Variants in ZIC3 observed in about 807,000 individuals in gnomAD.
The protein encoded by ZIC3 is Zic family zinc finger 3, also known as zinc finger protein ZIC 3.
Under a neutral mutation model 18.3 loss-of-function variants are expected in ZIC3, and 6 were observed. That is an observed-to-expected ratio of 0.33 (90% CI 0.18 to 0.65). ZIC3 has a LOEUF of 0.65. Ranked by LOEUF, ZIC3 falls within the 30% of genes least tolerant of loss-of-function variation. The pLI, the probability that ZIC3 is intolerant of heterozygous loss-of-function variation, is 0.75. For synonymous variants in ZIC3, 175 were observed against 177.0 expected (o/e 0.99, Z 0.09); for missense variants, 260 against 410.0 (o/e 0.63, Z 3.16).
At position 137,569,034 on chromosome X, in the gene ZIC3, C is replaced by T. The variant is rs1931398673; in HGVS notation, c.1193C>T (p.Thr398Met). The change falls in exon 2 of 3, where the codon ACG (threonine) becomes ATG (methionine). Residue 398 changes from threonine (T) to methionine (M), a missense_variant. Around this residue, in one of 4 missense-constraint regions of ZIC3, gnomAD observed 52 missense variants for 111.5 expected, o/e 0.47. Transcript: ENST00000287538. ...YICKVCDKSY[T>M]HPSSLRKHMK... is the part of the protein sequence containing the mutation. ...TGCAAAGTGTGCGACAAGTCCTACA[C>T]GCACCCGAGCTCCCTGCGCAAACAC... is the stretch of plus-strand genomic sequence containing the variant. The T allele has an allele frequency of 8.3e-7, 1 of 1,211,511 alleles. No homozygotes were observed. The highest frequency in any genetic ancestry group is 1.1e-6 in the Non-Finnish European group (1 of 895,474).
chrX:137,568,867 G>A, intron 1 of ZIC3, 35 bp from the exon 2 acceptor site: 2 of 1,207,651 alleles, frequency 1.7e-6, no homozygotes, highest in South Asian at 1.8e-5. Context: ...GGCGCTGACC[G>A]TATTTTACCC....
rs1329041658 is a variant in ZIC3 at position 137,571,588 on chromosome X, C to T, written c.*1518C>T. The T allele has an allele frequency of 8.9e-6, 1 of 112,254 alleles. No individual in the cohort carries two copies. The highest frequency in any genetic ancestry group is 3.2e-5 in the African/African-American group (1 of 30,784). 9.3% of individuals were successfully genotyped at this position (112,254 alleles called of 1,213,427 possible). On this transcript the variant is annotated 3_prime_UTR_variant, in exon 3 of 3. Coordinates refer to ENST00000287538, the MANE Select transcript of ZIC3 (RefSeq NM_003413.4). ...TTATATAGCGGTGTAATAACTGCAG[C>T]AGTTCTGAAATGATGCTATGGGAAA...
rs1375438468 is a variant in ZIC3, at chrX:137,571,880, G to C, written c.*1810G>C. On this transcript the variant is annotated 3_prime_UTR_variant, in exon 3 of 3. Coordinates refer to ENST00000287538, the MANE Select transcript of ZIC3 (RefSeq NM_003413.4). ...TTTTATTAGGGTGCTGTTTGTTATT[G>C]AGAGCCCAATCTCTGCATGAATAAC... Among the ~76,000 whole-genome samples, 1 of 111,817 alleles carries C rather than the reference G, an allele frequency of 8.9e-6. No individual in the cohort carries two copies. Among genetic ancestry groups the C allele is most frequent in the African/African-American group, 3.2e-5 (1 of 30,770 alleles).
downstream of ZIC3, among the ~76,000 whole-genome samples, chrX:137,575,260 C>G (rs1316839155): frequency 8.9e-6 from 1 of 111,967 alleles, no homozygotes; most frequent in Non-Finnish European, 1.9e-5. Context: ...CGAGTTCGAC[C>G]CCTACACGTT....
downstream of ZIC3, among the ~76,000 whole-genome samples, chrX:137,576,190 A>G (rs891010790): frequency 5.6e-5 from 6 of 106,199 alleles, no homozygotes; most frequent in African/African-American, 1.0e-4. Context: ...TGTATACTCT[A>G]TTTTTCCATT....
In ZIC3 at chrX:137,566,487, T is replaced by TCC; in HGVS notation, c.-204_-203insCC. 9.0e-6 allele frequency: 1 copy of TCC among 111,666 alleles called. No individual in the cohort carries two copies. The highest frequency in any genetic ancestry group is 2.3e-4 in the South Asian group (1 of 4,343). The allele number at this position is 111,666 out of a possible 1,213,427, so 9.2% of individuals were successfully genotyped here. On this transcript the variant is annotated 5_prime_UTR_variant, in exon 1 of 3. Transcript: ENST00000287538. ...CCCCCCGCCAACACCCCCTCCCTGC[T>TCC]CTTTCTTCCCCTCCTCCCTCCTATC...
rs767851433 is a variant in ZIC3, at chrX:137,566,844, CGCCGCCGCT to C, written c.157_165del (p.Ala53_Ala55del). On this transcript the variant is annotated inframe_deletion, in exon 1 of 3. Transcript: ENST00000287538. ...CAACCCACGCCGCCGCCGCCGCCGC[CGCCGCCGCT>C]GCCTTCAAGCTGAGCCCTGCCGCGG... is the stretch of plus-strand genomic sequence containing the variant. The C allele has an allele frequency of 1.2e-5, 14 of 1,161,760 alleles. No individual in the cohort carries two copies. The highest frequency in any genetic ancestry group is 7.1e-5 in the African/African-American group (4 of 56,171).
At chrX:137,574,905 A>T (rs1482809579), downstream of ZIC3, among the ~76,000 whole-genome samples, 1 of 112,050 alleles carries the variant, frequency 8.9e-6, no homozygotes. Context: ...TTGAGCGCAA[A>T]ATTGTTAAAA....
chrX:137,569,975 A>G lies in ZIC3; in HGVS notation c.1309A>G (p.Asn437Asp). The change falls in exon 3 of 3, where the codon AAC (asparagine) becomes GAC (aspartate). Residue 437 changes from asparagine (N) to aspartate (D), a missense_variant. Asn to Asp is a conservative substitution (Grantham distance 23). Around this residue, in one of 4 missense-constraint regions of ZIC3, gnomAD observed 52 missense variants for 111.5 expected, o/e 0.47. Transcript: ENST00000287538. The part of the protein sequence containing the change: ...SSTPPAIASA[N>D]SKDTTKTPSA... Reference sequence around the variant, plus strand: ...CACTCCACCCGCTATAGCTTCTGCAAACAGTAAAGATACCACTAAAACCCC... The same window carrying G: ...CACTCCACCCGCTATAGCTTCTGCAGACAGTAAAGATACCACTAAAACCCC... The G allele has an allele frequency of 7.4e-6, 9 of 1,212,005 alleles. No homozygotes were observed. Among genetic ancestry groups the G allele is most frequent in the Non-Finnish European group, 1.0e-5 (9 of 895,522 alleles).
At chrX:137,568,813 C>A in intron 1 of ZIC3, 89 bp from the exon 2 acceptor site, 1 of 1,075,767 alleles carries the variant, frequency 9.3e-7, no homozygotes, top group Non-Finnish European at 1.3e-6. Flanking sequence ...TCCGGGAAGA[C>A]CGCCGGGAGC....
At chrX:137,575,820 A>G (rs1931507706), downstream of ZIC3, among the ~76,000 whole-genome samples, 2 of 111,926 alleles carry the variant, frequency 1.8e-5, no homozygotes, top group South Asian at 7.5e-4. Flanking sequence ...TGCAGAGAAC[A>G]ATTGATGGGG....
intron 1 of ZIC3, among the ~76,000 whole-genome samples, chrX:137,568,330 G>GGATCGATCGATC (rs199895925): frequency 1.0e-5 from 1 of 100,235 alleles, no homozygotes; most frequent in African/African-American, 3.7e-5. Context: ...GGAGCCCCCT[G>GGATCGATCGATC]GATCGATCGA....
chrX:137,577,019 G>T, downstream of ZIC3: 1 of 430,638 alleles, frequency 2.3e-6, no homozygotes. Context: ...ATAAACCAGA[G>T]TTTAAAACAA....
chrX:137,577,671 TAAATA>T (rs1569347961), exon 3 of ZIC3: 2 of 114,133 alleles, frequency 1.8e-5, no homozygotes, highest in African/African-American at 3.2e-5. Flanking sequence ...TTGTTTGACT[TAAATA>T]AAACCATTTA....
downstream of ZIC3, among the ~76,000 whole-genome samples, chrX:137,575,125 T>C (rs1044713367): frequency 8.9e-6 from 1 of 112,143 alleles, no homozygotes; most frequent in Non-Finnish European, 1.9e-5. Flanking sequence ...CCACAGAACC[T>C]TGAGTCCCTA....
chrX:137,574,544 G>T (rs1468925507), downstream of ZIC3, among the ~76,000 whole-genome samples: 1 of 113,367 alleles, frequency 8.8e-6, no homozygotes, highest in Non-Finnish European at 1.9e-5. Flanking sequence ...CGCGGCCGGG[G>T]GCCCGTAGGC....
chrX:137,575,855 C>G (rs1931508050), downstream of ZIC3, among the ~76,000 whole-genome samples: 1 of 112,035 alleles, frequency 8.9e-6, no homozygotes, highest in Non-Finnish European at 1.9e-5. Context: ...TTTCAGTGCA[C>G]AAAGAAGACG....
Position 137,566,727 on chromosome X carries a change from T to C in ZIC3, c.36T>C (p.Pro12=), listed in dbSNP as rs1229632913. ...TMLLDGGPQF[P]GLGVGSFGAP... The stretch of plus-strand genomic sequence containing the variant: ...TCCTGGACGGAGGCCCGCAGTTCCC[T>C]GGGCTGGGAGTGGGCAGCTTCGGCG... The change falls in exon 1 of 3, where the codon CCT becomes CCC. Residue 12 remains proline, a synonymous_variant. Transcript: ENST00000287538. 2 of 1,196,021 alleles carry C rather than the reference T, an allele frequency of 1.7e-6. No individual in the cohort carries two copies. Among genetic ancestry groups the C allele is most frequent in the Admixed American group, 4.5e-5 (2 of 44,611 alleles).
At chrX:137,573,626 A>C (rs777639076), downstream of ZIC3, 1 of 112,726 alleles carries the variant, frequency 8.9e-6, no homozygotes, top group African/African-American at 3.2e-5. Context: ...TTAACATGTA[A>C]GTTTGTGGAA....
Sources: allele counts gnomAD v4.1 joint callset (sites outside exome capture counted in the v4.1 genomes callset), GRCh38; gene constraint gnomAD v4.1.1; regional missense constraint gnomAD v4.1.1; transcripts MANE v1.5; gene names NCBI Gene and HGNC (gene_info 2026-07-23, HGNC 2026-07-21).